APLP2: variants seen among roughly 807,000 people sequenced by gnomAD.
The protein encoded by APLP2 is CDEI box-binding protein.
Under a neutral mutation model 89.9 loss-of-function variants are expected in APLP2, and 53 were observed. The ratio of observed to expected loss-of-function variants is 0.59; its 90% CI spans 0.47 to 0.74. The LOEUF (loss-of-function observed/expected upper bound fraction) is 0.74, where lower values mean the gene tolerates loss of function less well. APLP2 is among the 30% of genes least tolerant of loss of function. The pLI is 0.00. For missense variants in APLP2, 973 were observed against 975.9 expected (o/e 1.00, Z 0.04); for synonymous variants, 372 against 348.6 (o/e 1.07, Z -0.75).
intron 1 of APLP2, among the ~76,000 whole-genome samples, chr11:130,090,684 C>G (rs1944839486): frequency 6.6e-6 from 1 of 152,192 alleles, no homozygotes; most frequent in Non-Finnish European, 1.5e-5. Flanking sequence ...GACACGGCAA[C>G]CATCCGATTT....
intron 11 of APLP2, among the ~76,000 whole-genome samples, chr11:130,131,619 T>C (rs2136051774): frequency 6.6e-6 from 1 of 152,322 alleles, no homozygotes; most frequent in Non-Finnish European, 1.5e-5. Flanking sequence ...AACGCATGCA[T>C]CTTGACAGGG....
chr11:130,121,131 A>T (rs1001000855), intron 4 of APLP2, among the ~76,000 whole-genome samples: 1 of 152,218 alleles, frequency 6.6e-6, no homozygotes, highest in Admixed American at 6.5e-5. Flanking sequence ...GGAAATCGCC[A>T]GTGATAGAAA....
intron 9 of APLP2, 84 bp downstream of exon 9, chr11:130,127,924 T>C (rs1263978851): frequency 8.6e-7 from 1 of 1,167,928 alleles, no homozygotes; most frequent in African/African-American, 1.5e-5. Flanking sequence ...GAAATTAGGA[T>C]TGGACACCAC....
At chr11:130,080,650 C>T (rs933873610) in intron 1 of APLP2, among the ~76,000 whole-genome samples, 2 of 151,486 alleles carry the variant, frequency 1.3e-5, no homozygotes, top group Non-Finnish European at 2.9e-5. Flanking sequence ...ACTGTGATGA[C>T]TGTAAGCTGA....
intron 1 of APLP2, among the ~76,000 whole-genome samples, chr11:130,079,602 T>A (rs1942811209): frequency 6.6e-6 from 1 of 152,238 alleles, no homozygotes; most frequent in South Asian, 2.1e-4. Context: ...CAGATTGACC[T>A]TGTATCCAGT....
At chr11:130,087,950 C>T (rs1944377794) in intron 1 of APLP2, among the ~76,000 whole-genome samples, 1 of 152,104 alleles carries the variant, frequency 6.6e-6, no homozygotes. Context: ...GTATTCAGGA[C>T]AGATTAAAAT....
At chr11:130,125,165 C>T (rs887463918) in intron 7 of APLP2, among the ~76,000 whole-genome samples, 2 of 152,214 alleles carry the variant, frequency 1.3e-5, no homozygotes. Context: ...GGGGCTGAGG[C>T]TGGCGGATGT....
At chr11:130,100,246 C>T (rs922735365) in intron 1 of APLP2, 15 of 152,350 alleles carry the variant, frequency 9.8e-5, no homozygotes, top group African/African-American at 3.6e-4. Context: ...TAAAGCCACA[C>T]TCTTGGTCTT....
At chr11:130,134,162 G>A (rs537674555) in intron 12 of APLP2, among the ~76,000 whole-genome samples, 151 of 152,300 alleles carry the variant, frequency 9.9e-4, no homozygotes, top group African/African-American at 3.3e-3. Context: ...AGAGTAAAAT[G>A]GTCCACGAGC....
At position 130,069,941 on chromosome 11, in the gene APLP2, A is replaced by G; in HGVS notation, c.-37A>G. 3 of 1,452,698 alleles carry G rather than the reference A, an allele frequency of 2.1e-6. No homozygotes were observed. The highest frequency in any genetic ancestry group is 2.8e-6 in the Non-Finnish European group (3 of 1,088,088). 90.0% of individuals were successfully genotyped at this position (1,452,698 alleles called of 1,614,324 possible). On this transcript the variant is annotated 5_prime_UTR_variant, in exon 1 of 17. Transcript: ENST00000338167. The stretch of plus-strand genomic sequence containing the variant: ...GCTAAGCGAGGAGTCCGAGTGTGTG[A>G]GCTTGAGAGCCGCGCGCTAGAGCGA...
At chr11:130,112,901 C>T (rs1276058336) in intron 3 of APLP2, among the ~76,000 whole-genome samples, 1 of 152,150 alleles carries the variant, frequency 6.6e-6, no homozygotes, top group Non-Finnish European at 1.5e-5. Flanking sequence ...CCAGGGTGGT[C>T]GTGCACCATC....
chr11:130,111,397 A>AT (rs1415967279), intron 3 of APLP2, among the ~76,000 whole-genome samples: 1 of 152,160 alleles, frequency 6.6e-6, no homozygotes, highest in Admixed American at 6.5e-5. Flanking sequence ...AAAAAAATCA[A>AT]TTTTAGATTA....
In APLP2 at chr11:130,123,636, C is replaced by T. The variant is rs760384969; in HGVS notation, c.947C>T (p.Thr316Met). ...GCTGTCTGCTCCCAGGAGGCGATGA[C>T]GGGGCCCTGCCGGGCCGTGATGCCT... ...VKAVCSQEAM[T>M]GPCRAVMPRW... The change falls in exon 7 of 17, where the codon ACG becomes ATG. Residue 316 changes from threonine to methionine, a missense_variant. Transcript: ENST00000338167. The surrounding 1 kb of genome is among the most constrained non-coding windows in gnomAD (Gnocchi z 4.0). 1.8e-5 allele frequency: 29 copies of T among 1,613,894 alleles called. No individual in the cohort carries two copies. Among genetic ancestry groups the T allele is most frequent in the East Asian group, 1.3e-4 (6 of 44,902 alleles).
intron 1 of APLP2, chr11:130,100,157 G>C (rs1212557619): frequency 6.6e-6 from 1 of 152,256 alleles, no homozygotes; most frequent in Non-Finnish European, 1.5e-5. Flanking sequence ...GTGAAGCCCA[G>C]AGAGGCTAGG....
intron 1 of APLP2, chr11:130,102,007 G>A (rs1413187567): frequency 2.2e-6 from 1 of 455,778 alleles, no homozygotes; most frequent in Non-Finnish European, 4.4e-6. Context: ...TAATGTAGGT[G>A]TCTGATGTGT....
chr11:130,126,549 C>A, intron 7 of APLP2, 151 bp from the exon 8 acceptor site: 1 of 861,008 alleles, frequency 1.2e-6, no homozygotes, highest in Non-Finnish European at 1.9e-6. Context: ...TGTAATCTAA[C>A]CAAGTGAAGT....
At chr11:130,099,692 A>G (rs1265972206) in intron 1 of APLP2, among the ~76,000 whole-genome samples, 2 of 152,226 alleles carry the variant, frequency 1.3e-5, no homozygotes, top group Non-Finnish European at 2.9e-5. Context: ...GTCCATAGTT[A>G]ATGTGTGAAG....
chr11:130,101,929 TCTC>T (rs569135850), intron 1 of APLP2: 26 of 456,120 alleles, frequency 5.7e-5, no homozygotes, highest in Non-Finnish European at 1.1e-4. Context: ...TGCTTAGTCT[TCTC>T]AGATCTGTTG....
At chr11:130,139,496 C>T (rs1479061692) in intron 13 of APLP2, 1 of 152,212 alleles carries the variant, frequency 6.6e-6, no homozygotes, top group Non-Finnish European at 1.5e-5. Context: ...ATAAGGAATT[C>T]TTATGATAGC....
Sources: allele counts gnomAD v4.1 joint callset (sites outside exome capture counted in the v4.1 genomes callset), GRCh38; gene constraint gnomAD v4.1.1; non-coding constraint Gnocchi (gnomAD v3.1); transcripts MANE v1.5; gene names NCBI Gene and HGNC (gene_info 2026-07-23, HGNC 2026-07-21).